MACF1: variants seen among roughly 807,000 people sequenced by gnomAD.
The protein encoded by MACF1 is microtubule actin crosslinking factor 1.
Under a neutral mutation model 854.8 loss-of-function variants are expected in MACF1, and 193 were observed. The observed-to-expected ratio is 0.23, with a 90% CI of 0.20 to 0.25. The LOEUF (loss-of-function observed/expected upper bound fraction) is 0.25, where lower values mean the gene tolerates loss of function less well. Among genes scored for constraint, MACF1 ranks in the 10% least tolerant of loss-of-function variants. The probability of loss-of-function intolerance (pLI) is 1.00; values close to 1 mark genes in which losing one functional copy is unlikely to be tolerated. For synonymous variants in MACF1, 3,185 were observed against 3,226.7 expected (o/e 0.99, Z 0.44); for missense variants, 7,722 against 8,929.1 (o/e 0.86, Z 5.45).
intron 2 of MACF1, among the ~76,000 whole-genome samples, chr1:39,232,360 A>T (rs541349220): frequency 3.4e-4 from 52 of 152,110 alleles, no homozygotes; most frequent in Admixed American, 2.8e-3. Flanking sequence ...CTCTTATTTG[A>T]TTTCTCTGTA....
intron 47 of MACF1, 27 bp from the exon 48 acceptor site, chr1:39,360,766 C>CT: frequency 7.0e-7 from 1 of 1,429,552 alleles, no homozygotes. Flanking sequence ...TGTCTCCACT[C>CT]TTTCTTTTCA....
chr1:39,433,184 T>C, intron 68 of MACF1, 29 bp downstream of exon 68: 1 of 1,371,220 alleles, frequency 7.3e-7, no homozygotes, highest in South Asian at 1.2e-5. Context: ...TTTGCCATAT[T>C]GTTCCTGTTT....
Position 39,412,490 on chromosome 1 carries a change from A to C in MACF1, c.15817-9884A>C, listed in dbSNP as rs757012584. 3.1e-6 allele frequency: 5 copies of C among 1,614,016 alleles called. No individual in the cohort carries two copies. In the South Asian group the frequency reaches 4.4e-5, roughly 14 times the overall value. On this transcript the variant is annotated intron_variant, in intron 58 of 100. Transcript: ENST00000564288. ...CAAGCTCCAGCACATTTCCACAGAA[A>C]CTTCCCAGAGCAGGTCTTCCAGGAT...
chr1:39,454,844 G>A (rs1644405378), intron 88 of MACF1, 65 bp from the exon 89 acceptor site: 3 of 1,390,260 alleles, frequency 2.2e-6, no homozygotes, highest in Non-Finnish European at 3.0e-6. Context: ...AGATGAAAAA[G>A]GGCTTTGGAA....
chr1:39,414,051 C>A, intron 58 of MACF1: 2 of 1,607,008 alleles, frequency 1.2e-6, no homozygotes, highest in Admixed American at 1.7e-5. Context: ...CTGCAGTGCT[C>A]ACCCCAGAGG....
chr1:39,421,333 A>C (rs996537273), intron 58 of MACF1, among the ~76,000 whole-genome samples: 1 of 152,264 alleles, frequency 6.6e-6, no homozygotes, highest in African/African-American at 2.4e-5. Context: ...GTAAACGTGG[A>C]TAATACAGTA....
intron 5 of MACF1, among the ~76,000 whole-genome samples, chr1:39,255,796 G>T (rs1334457020): frequency 6.6e-6 from 1 of 152,206 alleles, no homozygotes; most frequent in Non-Finnish European, 1.5e-5. Flanking sequence ...ACTGGAGAAA[G>T]CAGCATTGAA....
At chr1:39,155,782 C>T (rs1273958528) in intron 2 of MACF1, among the ~76,000 whole-genome samples, 5 of 152,202 alleles carry the variant, frequency 3.3e-5, no homozygotes, top group African/African-American at 9.7e-5. Flanking sequence ...TGCAATGGCA[C>T]GATCTTGGCT....
At chr1:39,199,277 G>C (rs929952756) in intron 2 of MACF1, among the ~76,000 whole-genome samples, 4 of 151,662 alleles carry the variant, frequency 2.6e-5, no homozygotes, top group Non-Finnish European at 4.4e-5. Context: ...GAGCCACTGT[G>C]CCTGGCCTGT....
At chr1:39,315,402 T>C (rs939875041) in intron 26 of MACF1, 111 bp from the exon 27 acceptor site, 7 of 851,310 alleles carry the variant, frequency 8.2e-6, no homozygotes, top group African/African-American at 6.7e-5. Context: ...CAGCCTCCTA[T>C]ATATGGGCAT....
At chr1:39,277,710 C>T (rs533703252) in intron 6 of MACF1, among the ~76,000 whole-genome samples, 4 of 152,280 alleles carry the variant, frequency 2.6e-5, no homozygotes, top group African/African-American at 9.6e-5. Flanking sequence ...TCTGGCATTG[C>T]TAGTTTGGAT....
chr1:39,389,212 T>C (rs1641927490), intron 58 of MACF1, among the ~76,000 whole-genome samples: 1 of 152,096 alleles, frequency 6.6e-6, no homozygotes, highest in South Asian at 2.1e-4. Flanking sequence ...TCAGTCTTTA[T>C]AACCAATTAA....
intron 6 of MACF1, chr1:39,269,788 C>T (rs978509297): frequency 2.3e-5 from 28 of 1,193,806 alleles, no homozygotes; most frequent in Non-Finnish European, 3.0e-5. Context: ...CATATTAAAG[C>T]TGAGTGTGGT....
At chr1:39,287,168 C>G in intron 14 of MACF1, 118 bp from the exon 15 acceptor site, 1 of 1,124,616 alleles carries the variant, frequency 8.9e-7, no homozygotes, top group Non-Finnish European at 1.2e-6. Flanking sequence ...ACCATGTTGT[C>G]TAGGCTGGCT....
Position 39,482,871 on chromosome 1 carries a change from T to G in MACF1, c.22282-1730T>G, listed in dbSNP as rs567680877. Among the ~76,000 whole-genome samples, 5 of 150,370 alleles carry G rather than the reference T, an allele frequency of 3.3e-5. No individual in the cohort carries two copies. The South Asian group carries it at 1.1e-3, about 32-fold the overall frequency. ...GCTCACCCCTGTAATCCCAACACTT[T>G]GTGAGGCCGAGGTGGGCAGATCACT... On this transcript the variant is annotated intron_variant, in intron 99 of 100. Transcript: ENST00000564288.
intron 2 of MACF1, among the ~76,000 whole-genome samples, chr1:39,094,386 G>A (rs1457236791): frequency 1.3e-5 from 2 of 149,914 alleles, no homozygotes; most frequent in East Asian, 2.0e-4. Flanking sequence ...TGGGCAACAA[G>A]AGTGAAATTT....
upstream of MACF1, among the ~76,000 whole-genome samples, chr1:39,200,551 T>A (rs1016946872): frequency 6.6e-6 from 1 of 150,732 alleles, no homozygotes. Context: ...ATACAAAAAT[T>A]AGCCGGGCGT....
chr1:39,191,197 TTC>T (rs1351600808), intron 2 of MACF1, among the ~76,000 whole-genome samples: 1 of 88,890 alleles, frequency 1.1e-5, no homozygotes, highest in African/African-American at 3.9e-5. Context: ...GATTCTTTCT[TTC>T]TTTTTTTTTT....
Position 39,372,522 on chromosome 1 carries a change from A to C in MACF1, c.13139A>C (p.Glu4380Ala). The C allele has an allele frequency of 6.2e-7, 1 of 1,613,962 alleles. No individual in the cohort carries two copies. The highest frequency in any genetic ancestry group is 8.5e-7 in the Non-Finnish European group (1 of 1,179,872). ...GCAAGTAAGGGAACTCTGGTGGAAG[A>C]AATCAATTGCAAAGGTACTTCTTTA... ...DWASKGTLVE[E>A]INCKGTSLEN... is the part of the protein sequence containing the mutation. Residue 4380 changes from glutamate (E) to alanine (A), a missense_variant, in exon 52 of 101, where the codon GAA becomes GCA. By Grantham distance (107) the Glu-to-Ala change is moderately radical. Transcript: ENST00000564288.
Sources: gnomAD v4.1 joint callset for allele counts (sites outside exome capture counted in the v4.1 genomes callset) on GRCh38, gnomAD v4.1.1 for gene constraint, MANE v1.5 for transcripts, NCBI Gene and HGNC (gene_info 2026-07-23, HGNC 2026-07-21) for gene names.